The following TMOD2 variants were observed in gnomAD, a reference collection of about 807,000 sequenced individuals.
TMOD2 encodes the protein tropomodulin 2, also known as tropomodulin-2.
TMOD2 carries 22 observed loss-of-function variants against 39.9 expected under a neutral mutation model. The observed-to-expected ratio is 0.55, with a 90% confidence interval of 0.39 to 0.79. The LOEUF (loss-of-function observed/expected upper bound fraction) is 0.79. Among genes scored for constraint, TMOD2 ranks in the 30% least tolerant of loss-of-function variants. TMOD2 has a pLI of 0.00. For synonymous variants in TMOD2, 123 were observed against 146.1 expected (o/e 0.84, Z 1.14); for missense variants, 386 against 413.3 (o/e 0.93, Z 0.57).
Position 51,781,057 on chromosome 15 carries a change from T to G in TMOD2, c.507T>G (p.Gly169=). 5 of 1,602,144 alleles carry G rather than the reference T, an allele frequency of 3.1e-6. No individual in the cohort carries two copies. Among genetic ancestry groups the G allele is most frequent in the Non-Finnish European group, 4.2e-6 (5 of 1,176,592 alleles). The change falls in exon 6 of 10, where the codon GGT becomes GGG. Residue 169 remains glycine (G), a synonymous_variant. Transcript: ENST00000249700. ...CTTGTGTTTTAGATGTTGTCAAAGG[T>G]GAAAAAGTAAAGCCAGTATTTGAGG... The part of the protein sequence containing the change: ...GKGPVRNVVK[G]EKVKPVFEEP...
Position 51,801,237 on chromosome 15 carries a change from TCACACACACACACA to T in TMOD2, c.876+2931_876+2944del, listed in dbSNP as rs546562505. ...CTCTCCCTCTCTCTCTCTCTCTCTC[TCACACACACACACA>T]CACACACACACACACACACACACAC... On this transcript the variant is annotated intron_variant, in intron 8 of 9. Transcript: ENST00000249700. 6.7e-3 allele frequency among the ~76,000 whole-genome samples: 681 copies of T among 102,146 alleles called. 8 individuals carry two copies. The highest frequency in any genetic ancestry group is 0.026 in the African/African-American group (662 of 25,036). 67.0% of individuals were successfully genotyped at this position (102,146 alleles called of 152,430 possible).
rs979973159 is a variant in TMOD2 at position 51,816,118 on chromosome 15, G to A, written c.*7664G>A. ...TGTGTGATGAAGCAAAATGTATAAA[G>A]TATGAAATATTATACTTTTACCCTG... On this transcript the variant is annotated 3_prime_UTR_variant, in exon 10 of 10. Transcript: ENST00000249700. 3 of 152,174 alleles carry A rather than the reference G, an allele frequency of 2.0e-5. No individual in the cohort carries two copies. The highest frequency in any genetic ancestry group is 7.2e-5 in the African/African-American group (3 of 41,436). 9.4% of individuals were successfully genotyped at this position (152,174 alleles called of 1,614,324 possible). A position where few individuals can be genotyped will look rare whatever the true frequency, so the allele number is the denominator to read the frequency against.
chr15:51,768,516 T>G (rs920996586), intron 3 of TMOD2, 98 bp downstream of exon 3: 1 of 1,232,402 alleles, frequency 8.1e-7, no homozygotes, highest in African/African-American at 1.5e-5. Flanking sequence ...TTTTATTTTA[T>G]TGTCGTGGAG....
rs1054148809 is a variant in TMOD2, at chr15:51,813,705, C to T, written c.*5251C>T. The T allele has an allele frequency of 6.6e-6, 1 of 152,132 alleles. No homozygotes were observed. The highest frequency in any genetic ancestry group is 6.6e-5 in the Admixed American group (1 of 15,266). The allele number at this position is 152,132 out of a possible 1,614,324, so 9.4% of individuals were successfully genotyped here. ...CTTAGCTGGGTAACTTTGGGCAAAC[C>T]GCTTGGTCTCTCAAGCCTAAGGTTC... On this transcript the variant is annotated 3_prime_UTR_variant, in exon 10 of 10. Coordinates refer to ENST00000249700, the MANE Select transcript of TMOD2 (RefSeq NM_014548.4).
chr15:51,772,592 A>G (rs1236517357), intron 3 of TMOD2, among the ~76,000 whole-genome samples: 1 of 152,206 alleles, frequency 6.6e-6, no homozygotes, highest in East Asian at 1.9e-4. Flanking sequence ...GATAGGATGA[A>G]ATGGGAGATG....
At chr15:51,778,112 A>T (rs910703196) in intron 5 of TMOD2, among the ~76,000 whole-genome samples, 3 of 151,758 alleles carry the variant, frequency 2.0e-5, no homozygotes, top group Non-Finnish European at 4.4e-5. Flanking sequence ...GATAGACTGG[A>T]TTAAGAAAAT....
intron 1 of TMOD2, among the ~76,000 whole-genome samples, chr15:51,756,830 T>G (rs1370264554): frequency 6.6e-6 from 1 of 152,204 alleles, no homozygotes; most frequent in Non-Finnish European, 1.5e-5. Flanking sequence ...TGCAAGTATT[T>G]CCCAGAATAT....
At chr15:51,766,811 G>T (rs1224945910) in intron 2 of TMOD2, 1 of 303,812 alleles carries the variant, frequency 3.3e-6, no homozygotes, top group Non-Finnish European at 6.1e-6. Flanking sequence ...ATTTTCCGTT[G>T]GTTGAGAAAG....
intron 7 of TMOD2, among the ~76,000 whole-genome samples, chr15:51,787,382 G>A (rs1015049345): frequency 6.6e-6 from 1 of 152,278 alleles, no homozygotes; most frequent in African/African-American, 2.4e-5. Flanking sequence ...CACAGCTCAG[G>A]AAGGCCTACT....
At chr15:51,771,323 C>T (rs1356616436) in intron 3 of TMOD2, among the ~76,000 whole-genome samples, 1 of 152,234 alleles carries the variant, frequency 6.6e-6, no homozygotes, top group African/African-American at 2.4e-5. Flanking sequence ...TCAAGAGAGG[C>T]TGCACAACCA....
intron 7 of TMOD2, among the ~76,000 whole-genome samples, chr15:51,797,401 T>G (rs916154903): frequency 5.9e-5 from 9 of 152,212 alleles, no homozygotes; most frequent in African/African-American, 1.9e-4. Flanking sequence ...GGCGGTTCTT[T>G]AAGGAATTGC....
chr15:51,768,336 G>A lies in TMOD2; in HGVS notation c.201G>A (p.Glu67=). 1.9e-6 allele frequency: 3 copies of A among 1,614,174 alleles called. No homozygotes were observed. The highest frequency in any genetic ancestry group is 1.7e-5 in the Admixed American group (1 of 60,016). ...QKAATGPFDR[E]HLLMYLEKEA... is the part of the protein sequence containing the mutation. Reference sequence around the variant, plus strand: ...CAGCCACCGGCCCCTTTGACCGCGAGCACCTCCTCATGTACCTGGAGAAGG... The same window carrying A: ...CAGCCACCGGCCCCTTTGACCGCGAACACCTCCTCATGTACCTGGAGAAGG... Residue 67 remains glutamate, a synonymous_variant, in exon 3 of 10, where the codon GAG becomes GAA. Transcript: ENST00000249700.
In TMOD2 at chr15:51,751,725, G is replaced by C. The variant is rs1016988230; in HGVS notation, c.-70+13G>C. On this transcript the variant is annotated intron_variant, in intron 1 of 9. Coordinates refer to ENST00000249700, the MANE Select transcript of TMOD2 (RefSeq NM_014548.4). Reference sequence around the variant, plus strand: ...AGCGCACGGACGGGTGAGCGCCCCGGGGGGCGGGTGGGGCCTGTTCTGGAC... The same window carrying C: ...AGCGCACGGACGGGTGAGCGCCCCGCGGGGCGGGTGGGGCCTGTTCTGGAC... 2 of 152,036 alleles carry C rather than the reference G, an allele frequency of 1.3e-5. No individual in the cohort carries two copies. Among genetic ancestry groups the C allele is most frequent in the Admixed American group, 1.3e-4 (2 of 15,174 alleles). 9.4% of individuals were successfully genotyped at this position (152,036 alleles called of 1,614,324 possible). A position where few individuals can be genotyped will look rare whatever the true frequency, so the allele number is the denominator to read the frequency against.
At chr15:51,775,251 T>C (rs759306060) in intron 4 of TMOD2, among the ~76,000 whole-genome samples, 5 of 152,194 alleles carry the variant, frequency 3.3e-5, no homozygotes, top group Non-Finnish European at 5.9e-5. Context: ...TGGCTGGGTG[T>C]CAGTGTGGTC....
chr15:51,778,497 A>G (rs2055905566), intron 5 of TMOD2, among the ~76,000 whole-genome samples: 1 of 124,410 alleles, frequency 8.0e-6, no homozygotes, highest in Non-Finnish European at 1.7e-5. Flanking sequence ...AATAATAAAA[A>G]ATTAAAAATT....
Position 51,806,447 on chromosome 15 carries a change from A to G in TMOD2, c.947A>G (p.Lys316Arg). 1.9e-6 allele frequency: 3 copies of G among 1,614,224 alleles called. No individual in the cohort carries two copies. The highest frequency in any genetic ancestry group is 3.3e-5 in the Admixed American group (2 of 60,028). The change falls in exon 9 of 10, where the codon AAG (lysine) becomes AGG (arginine). Residue 316 changes from lysine to arginine, a missense_variant. Transcript: ENST00000249700. ...CTGGAGGAGAATTCAAGGATCCTCA[A>G]GTTTGGATACCAGTTTACCAAGCAA... ...QMLEENSRIL[K>R]FGYQFTKQGP...
At chr15:51,796,459 A>C (rs1342250189) in intron 7 of TMOD2, among the ~76,000 whole-genome samples, 1 of 152,090 alleles carries the variant, frequency 6.6e-6, no homozygotes, top group Non-Finnish European at 1.5e-5. Context: ...GTCCCCTGCA[A>C]TCGCTACAGT....
At chr15:51,806,355 A>T in intron 8 of TMOD2, 22 bp from the exon 9 acceptor site, 1 of 1,613,690 alleles carries the variant, frequency 6.2e-7, no homozygotes, top group African/African-American at 1.3e-5. Flanking sequence ...CATCCTGTGC[A>T]TGTGTCTGCA....
Position 51,781,119 on chromosome 15 carries a change from A to G in TMOD2, c.569A>G (p.Gln190Arg). Reference protein sequence around the residue: ...PNPTNVEISLQQMKANDPSLQ... With the variant: ...PNPTNVEISLRQMKANDPSLQ... Reference sequence around the variant, plus strand: ...CCCACAAATGTGGAAATAAGCCTGCAGCAGATGAAAGCCAATGATCCTAGC... The same window carrying G: ...CCCACAAATGTGGAAATAAGCCTGCGGCAGATGAAAGCCAATGATCCTAGC... Residue 190 changes from glutamine to arginine, a missense_variant, in exon 6 of 10, where the codon CAG (glutamine) becomes CGG (arginine). Gln to Arg is a conservative substitution (Grantham distance 43, BLOSUM62 1). Transcript: ENST00000249700. The G allele has an allele frequency of 1.2e-6, 2 of 1,613,096 alleles. No individual in the cohort carries two copies. The highest frequency in any genetic ancestry group is 1.7e-6 in the Non-Finnish European group (2 of 1,179,744).
Sources: gnomAD v4.1 joint callset for allele counts (sites outside exome capture counted in the v4.1 genomes callset) on GRCh38, gnomAD v4.1.1 for gene constraint, MANE v1.5 for transcripts, NCBI Gene and HGNC (gene_info 2026-07-23, HGNC 2026-07-21) for gene names.